Variants in SLCO3A1 observed in about 807,000 individuals in gnomAD.
The protein encoded by SLCO3A1 is solute carrier organic anion transporter family member 3A1, also known as PGE1 transporter.
In SLCO3A1, 27 loss-of-function variants were observed where a neutral mutation model predicts 63.1. That is an observed-to-expected ratio of 0.43 (90% CI 0.32 to 0.59). The LOEUF is 0.59. Among genes scored for constraint, SLCO3A1 ranks in the 20% least tolerant of loss-of-function variants. The probability of loss-of-function intolerance (pLI) is 0.09; values close to 1 mark genes in which losing one functional copy is unlikely to be tolerated. For missense variants in SLCO3A1, 773 were observed against 945.8 expected, an observed-to-expected ratio of 0.82 and a Z score of 2.40; for synonymous variants, 473 against 409.9, an observed-to-expected ratio of 1.15 and a Z score of -1.86.
intron 4 of SLCO3A1, among the ~76,000 whole-genome samples, chr15:92,114,883 C>A (rs970072118): frequency 6.6e-6 from 1 of 152,164 alleles, no homozygotes; most frequent in Non-Finnish European, 1.5e-5. Context: ...CATTCTTGGG[C>A]AAGGTGGAAT....
chr15:91,903,960 G>A (rs910807813), intron 1 of SLCO3A1, among the ~76,000 whole-genome samples: 21 of 152,130 alleles, frequency 1.4e-4, no homozygotes, highest in African/African-American at 4.3e-4. Flanking sequence ...CGGTGGAGAG[G>A]GTGAGAGTGA....
At chr15:91,999,684 C>T (rs532929819) in intron 2 of SLCO3A1, among the ~76,000 whole-genome samples, 147 of 152,272 alleles carry the variant, frequency 9.7e-4, no homozygotes, top group African/African-American at 3.3e-3. Flanking sequence ...CCCAGGTACT[C>T]GGGAGGCCGA....
intron 2 of SLCO3A1, among the ~76,000 whole-genome samples, chr15:92,074,962 A>G (rs1269220680): frequency 6.6e-6 from 1 of 152,134 alleles, no homozygotes; most frequent in Non-Finnish European, 1.5e-5. Context: ...TGCTTGAGAA[A>G]GTTTTGGCAG....
chr15:91,868,079 T>C (rs1897209247), intron 1 of SLCO3A1, among the ~76,000 whole-genome samples: 1 of 151,908 alleles, frequency 6.6e-6, no homozygotes, highest in Non-Finnish European at 1.5e-5. Flanking sequence ...GGGGATGGAG[T>C]CTCGCTCTGT....
Position 91,968,984 on chromosome 15 carries a change from A to G in SLCO3A1, c.646+52526A>G, listed in dbSNP as rs1391755578. Among the ~76,000 whole-genome samples, 1 of 151,990 alleles carries G rather than the reference A, an allele frequency of 6.6e-6. No individual in the cohort carries two copies. The highest frequency in any genetic ancestry group is 1.5e-5 in the Non-Finnish European group (1 of 67,986). ...CCATCTCTGCCTCCACCTACCTCCA[A>G]CACAAGAGTTTGCTAACAGGTCCAC... On this transcript the variant is annotated intron_variant, in intron 2 of 9. Transcript: ENST00000318445. This position sits in a 1 kb window ranked among gnomAD's most constrained non-coding sequence, Gnocchi z 4.2.
intron 2 of SLCO3A1, among the ~76,000 whole-genome samples, chr15:91,998,026 A>G (rs1488390082): frequency 1.3e-5 from 2 of 152,258 alleles, no homozygotes; most frequent in Non-Finnish European, 2.9e-5. Flanking sequence ...CTACATAACA[A>G]AAGAAACTAT....
chr15:92,025,107 A>T (rs956782541), intron 2 of SLCO3A1, among the ~76,000 whole-genome samples: 2 of 151,566 alleles, frequency 1.3e-5, no homozygotes, highest in African/African-American at 4.8e-5. Flanking sequence ...GCATATTGAG[A>T]GAGAATGATT....
intron 9 of SLCO3A1, among the ~76,000 whole-genome samples, chr15:92,151,608 G>A (rs1044666570): frequency 9.2e-5 from 14 of 152,184 alleles, no homozygotes; most frequent in African/African-American, 3.1e-4. Flanking sequence ...CACCACCCAA[G>A]GTCCTTCCTG....
intron 1 of SLCO3A1, among the ~76,000 whole-genome samples, chr15:91,906,533 A>C (rs187113906): frequency 3.0e-4 from 46 of 152,370 alleles, no homozygotes; most frequent in African/African-American, 1.1e-3. Context: ...AATTCAGTGA[A>C]AACAGTTCTG....
chr15:92,134,042 G>A (rs28688191), intron 7 of SLCO3A1, among the ~76,000 whole-genome samples: 22,253 of 152,254 alleles, frequency 0.15, 1,872 homozygotes, highest in Non-Finnish European at 0.18. Flanking sequence ...TTGGAAGATA[G>A]CTATCATGGG....
At chr15:91,940,230 TC>T (rs1337963763) in intron 2 of SLCO3A1, among the ~76,000 whole-genome samples, 1 of 152,136 alleles carries the variant, frequency 6.6e-6, no homozygotes, top group East Asian at 1.9e-4. Flanking sequence ...CAGGTCAGTG[TC>T]CTGTCTGTTT....
At chr15:92,024,580 A>G (rs2046548074) in intron 2 of SLCO3A1, among the ~76,000 whole-genome samples, 1 of 152,208 alleles carries the variant, frequency 6.6e-6, no homozygotes, top group East Asian at 1.9e-4. Flanking sequence ...TGTTGTGCCT[A>G]CTATGTGCCA....
chr15:92,125,380 A>T (rs752037905), intron 5 of SLCO3A1, among the ~76,000 whole-genome samples: 50 of 152,192 alleles, frequency 3.3e-4, no homozygotes, highest in Admixed American at 4.6e-4. Context: ...TCTGCGAATC[A>T]GAAATAACAG....
intron 7 of SLCO3A1, among the ~76,000 whole-genome samples, chr15:92,130,509 C>T (rs1308431605): frequency 6.6e-6 from 1 of 152,190 alleles, no homozygotes; most frequent in Non-Finnish European, 1.5e-5. Flanking sequence ...TCTCTAGATG[C>T]CCTGGCTTCC....
rs1896861211 is a variant in SLCO3A1 at position 91,854,468 on chromosome 15, C to G, written c.180+380C>G. ...AAAAGCGTCGGGGTTTTCAGGTGAC[C>G]TGCACATGGGAAGAAAAACCAGTTA... On this transcript the variant is annotated intron_variant, in intron 1 of 9. Coordinates refer to ENST00000318445, the MANE Select transcript of SLCO3A1 (RefSeq NM_013272.4). The surrounding 1 kb of genome is among the most constrained non-coding windows in gnomAD (Gnocchi z 6.4). 1 of 744,938 alleles carries G rather than the reference C, an allele frequency of 1.3e-6. No individual in the cohort carries two copies. Among genetic ancestry groups the G allele is most frequent in the Non-Finnish European group, 1.7e-6 (1 of 604,642 alleles). 46.1% of individuals were successfully genotyped at this position (744,938 alleles called of 1,614,324 possible). A position where few individuals can be genotyped will look rare whatever the true frequency, so the allele number is the denominator to read the frequency against.
intron 2 of SLCO3A1, among the ~76,000 whole-genome samples, chr15:92,079,942 TCACA>T (rs1471315015): frequency 6.6e-6 from 1 of 152,250 alleles, no homozygotes; most frequent in Non-Finnish European, 1.5e-5. Flanking sequence ...CCCACTGGGC[TCACA>T]CACAGAATGC....
intron 2 of SLCO3A1, among the ~76,000 whole-genome samples, chr15:92,035,492 C>A (rs565668050): frequency 9.2e-5 from 14 of 151,824 alleles, no homozygotes; most frequent in African/African-American, 3.1e-4. Flanking sequence ...ATAGAGTGAT[C>A]TAAGAGGACC....
At position 92,033,754 on chromosome 15, in the gene SLCO3A1, G is replaced by A. The variant is rs1036773075; in HGVS notation, c.647-61127G>A. On this transcript the variant is annotated intron_variant, in intron 2 of 9. Transcript: ENST00000318445. The surrounding 1 kb of genome is among the most constrained non-coding windows in gnomAD (Gnocchi z 4.5). ...GACGGGGATAGGAGTGTTGGGAGTCGTACAGTTTTAGTGTCAGAGGGGCAG... is the reference window on the plus strand; with the variant it reads ...GACGGGGATAGGAGTGTTGGGAGTCATACAGTTTTAGTGTCAGAGGGGCAG... Among the ~76,000 whole-genome samples, 12 of 152,158 alleles carry A rather than the reference G, an allele frequency of 7.9e-5. No individual in the cohort carries two copies. Among genetic ancestry groups the A allele is most frequent in the Non-Finnish European group, 1.6e-4 (11 of 68,024 alleles).
intron 2 of SLCO3A1, among the ~76,000 whole-genome samples, chr15:91,998,218 C>A (rs2046214386): frequency 6.6e-6 from 1 of 152,170 alleles, no homozygotes; most frequent in Admixed American, 6.5e-5. Flanking sequence ...CTTTGGGAGG[C>A]CAAGGCAGGC....
Sources: gnomAD v4.1 joint callset for allele counts (sites outside exome capture counted in the v4.1 genomes callset) on GRCh38, gnomAD v4.1.1 for gene constraint, Gnocchi (gnomAD v3.1) non-coding constraint, MANE v1.5 for transcripts, NCBI Gene and HGNC (gene_info 2026-07-23, HGNC 2026-07-21) for gene names.